TMEM117: variants seen among roughly 807,000 people sequenced by gnomAD.
TMEM117 encodes transmembrane protein 117.
A neutral mutation model predicts 52.4 loss-of-function variants in TMEM117; 27 were observed. The ratio of observed to expected loss-of-function variants is 0.51; its 90% CI spans 0.38 to 0.71. TMEM117 has a LOEUF of 0.71. Ranked by LOEUF, TMEM117 falls within the 30% of genes least tolerant of loss-of-function variation. TMEM117 has a pLI of 0.00. For synonymous variants in TMEM117, 215 were observed against 206.3 expected (o/e 1.04, Z -0.36); for missense variants, 556 against 630.5 (o/e 0.88, Z 1.26).
chr12:44,093,226 A>G (rs1947703431), intron 3 of TMEM117, among the ~76,000 whole-genome samples: 1 of 152,132 alleles, frequency 6.6e-6, no homozygotes, highest in Non-Finnish European at 1.5e-5. Flanking sequence ...ATAACATGCC[A>G]GAATTACTAA....
chr12:43,801,821 C>A, the TMEM117 span, among the ~76,000 whole-genome samples: 1 of 151,974 alleles, frequency 6.6e-6, no homozygotes, highest in Admixed American at 6.6e-5. Flanking sequence ...CTTAAGGCCA[C>A]GAGTTTGAGA....
intron 3 of TMEM117, among the ~76,000 whole-genome samples, chr12:44,091,246 C>A (rs1262486429): frequency 6.6e-6 from 1 of 152,098 alleles, no homozygotes; most frequent in Non-Finnish European, 1.5e-5. Context: ...AAGACCAGCC[C>A]CCATGATTCA....
chr12:44,236,793 A>G (rs190954192), intron 5 of TMEM117, among the ~76,000 whole-genome samples: 12 of 152,222 alleles, frequency 7.9e-5, no homozygotes, highest in Admixed American at 5.2e-4. Context: ...TTTCGTCAAT[A>G]CAAGTTCAAG....
At chr12:44,391,243 A>G (rs1952160355), downstream of TMEM117, among the ~76,000 whole-genome samples, 1 of 152,148 alleles carries the variant, frequency 6.6e-6, no homozygotes, top group Admixed American at 6.6e-5. Context: ...TTAAATAAAC[A>G]CTATGAATTT....
intron 3 of TMEM117, among the ~76,000 whole-genome samples, chr12:43,981,698 G>A (rs78214103): frequency 2.6e-5 from 4 of 152,110 alleles, no homozygotes; most frequent in African/African-American, 9.7e-5. Context: ...ATAGAGCAAA[G>A]TATTGCCTCA....
intron 6 of TMEM117, among the ~76,000 whole-genome samples, chr12:44,346,225 C>T (rs1050525271): frequency 1.4e-4 from 22 of 152,132 alleles, no homozygotes; most frequent in Middle Eastern, 6.8e-3. Context: ...TTATTTTGAA[C>T]AAAATGCTTG....
chr12:44,385,905 G>T (rs1405311692), intron 7 of TMEM117, among the ~76,000 whole-genome samples: 2 of 151,634 alleles, frequency 1.3e-5, no homozygotes, highest in Non-Finnish European at 2.9e-5. Flanking sequence ...TCTCCCCTCA[G>T]CCTCTTTCTT....
At chr12:44,218,043 G>C (rs1949740459) in intron 5 of TMEM117, among the ~76,000 whole-genome samples, 1 of 152,112 alleles carries the variant, frequency 6.6e-6, no homozygotes, top group South Asian at 2.1e-4. Flanking sequence ...GACCAACATG[G>C]TGAAACCCCA....
chr12:43,870,990 G>A (rs541586041), intron 2 of TMEM117, among the ~76,000 whole-genome samples: 9 of 152,124 alleles, frequency 5.9e-5, no homozygotes, highest in African/African-American at 1.9e-4. Flanking sequence ...TCACCATGTT[G>A]GCCAGGCTGG....
chr12:44,099,804 G>A (rs1233572856), intron 3 of TMEM117, among the ~76,000 whole-genome samples: 1 of 151,952 alleles, frequency 6.6e-6, no homozygotes, highest in African/African-American at 2.4e-5. Flanking sequence ...ATATGGAGGA[G>A]CACTTTGAGA....
chr12:44,135,220 T>C (rs1466386641), intron 3 of TMEM117, among the ~76,000 whole-genome samples: 1 of 152,164 alleles, frequency 6.6e-6, no homozygotes, highest in African/African-American at 2.4e-5. Flanking sequence ...TGGGCATCAT[T>C]GTATATGTCT....
Position 44,384,100 on chromosome 12 carries a change from T to C in TMEM117, c.899-3926T>C, listed in dbSNP as rs1332682160. On this transcript the variant is annotated intron_variant, in intron 7 of 7. Transcript: ENST00000266534. The stretch of plus-strand genomic sequence containing the variant: ...TCACCTTCTGCTTTGCCACATCTGA[T>C]AGGGCAAAAGGAATTTTTTAAGGAG... 2.0e-5 allele frequency among the ~76,000 whole-genome samples: 3 copies of C among 151,998 alleles called. No individual in the cohort carries two copies. In the East Asian group the frequency reaches 5.8e-4, roughly 29 times the overall value.
At chr12:43,877,132 C>T (rs933797669) in intron 2 of TMEM117, among the ~76,000 whole-genome samples, 2 of 152,074 alleles carry the variant, frequency 1.3e-5, no homozygotes, top group Middle Eastern at 3.2e-3. Context: ...TACATACATA[C>T]ATTAAAAATT....
intron 2 of TMEM117, among the ~76,000 whole-genome samples, chr12:43,867,682 T>C (rs1280423276): frequency 4.0e-5 from 6 of 151,702 alleles, no homozygotes; most frequent in Admixed American, 3.9e-4. Flanking sequence ...TGTGAATATG[T>C]TAATATCAGA....
intron 5 of TMEM117, among the ~76,000 whole-genome samples, chr12:44,281,950 G>A (rs1458198917): frequency 6.6e-6 from 1 of 152,272 alleles, no homozygotes; most frequent in African/African-American, 2.4e-5. Context: ...GTCAACTTGA[G>A]TTGTAGCTCC....
chr12:44,148,420 G>T (rs1298680468), intron 4 of TMEM117, among the ~76,000 whole-genome samples: 3 of 152,090 alleles, frequency 2.0e-5, no homozygotes, highest in Non-Finnish European at 4.4e-5. Context: ...TGAGGATCTA[G>T]CAAGAATATG....
intron 5 of TMEM117, among the ~76,000 whole-genome samples, chr12:44,214,556 A>G (rs1032315275): frequency 2.6e-5 from 4 of 152,324 alleles, no homozygotes; most frequent in African/African-American, 9.6e-5. Context: ...TGATAATTTA[A>G]TTAGTCACTG....
chr12:44,144,003 T>C (rs1948607103), intron 4 of TMEM117, among the ~76,000 whole-genome samples: 1 of 152,224 alleles, frequency 6.6e-6, no homozygotes, highest in African/African-American at 2.4e-5. Flanking sequence ...TCTTAAGGCA[T>C]GTACAATTTT....
At chr12:43,919,183 G>GT (rs1944652934) in intron 2 of TMEM117, among the ~76,000 whole-genome samples, 1 of 152,234 alleles carries the variant, frequency 6.6e-6, no homozygotes, top group South Asian at 2.1e-4. Context: ...TAACAAATTT[G>GT]TAAGTGTACA....
Sources: gnomAD v4.1 joint callset for allele counts (sites outside exome capture counted in the v4.1 genomes callset) on GRCh38, gnomAD v4.1.1 for gene constraint, MANE v1.5 for transcripts, NCBI Gene and HGNC (gene_info 2026-07-23, HGNC 2026-07-21) for gene names.